The following LY75 variants were observed in gnomAD, a reference collection of about 807,000 sequenced individuals.
LY75 encodes lymphocyte antigen 75.
In LY75, 185 loss-of-function variants were observed where a neutral mutation model predicts 231.7. That is an observed-to-expected ratio of 0.80 (90% CI 0.71 to 0.90). LY75 has a LOEUF of 0.90. Among genes scored for constraint, LY75 ranks in the 40% least tolerant of loss-of-function variants. The pLI is 0.00. For synonymous variants in LY75, 668 were observed against 689.0 expected (o/e 0.97, Z 0.48); for missense variants, 1,947 against 2,050.2 (o/e 0.95, Z 0.97).
chr2:159,847,237 C>G (rs1262940728), intron 23 of LY75, among the ~76,000 whole-genome samples: 1 of 152,180 alleles, frequency 6.6e-6, no homozygotes, highest in African/African-American at 2.4e-5. Flanking sequence ...TGGTCTCGAA[C>G]TCCTGAGCTC....
rs147499095 is a variant in LY75 at position 159,861,627 on chromosome 2, A to G, written c.2200-738T>C. Among the ~76,000 whole-genome samples the G allele has an allele frequency of 1.2e-3, 178 of 151,706 alleles. No homozygotes were observed. In the Middle Eastern group the frequency reaches 0.051, roughly 44 times the overall value. ...GCTGGATGTGGTGGCATGTGCCTGT[A>G]CTTGAGAGGCTGAGACATGAGGATC... On this transcript the variant is annotated intron_variant, in intron 14 of 34. Transcript: ENST00000263636.
Position 159,804,491 on chromosome 2 carries a change from G to C in LY75, c.*553C>G, listed in dbSNP as rs1310116319. Reference sequence around the variant, plus strand: ...AGATCACGCCATTGTACTCCAGCCTGGGCAACAGAGAGAGACTCAGTCTCA... The same window carrying C: ...AGATCACGCCATTGTACTCCAGCCTCGGCAACAGAGAGAGACTCAGTCTCA... On this transcript the variant is annotated 3_prime_UTR_variant, in exon 35 of 35. Transcript: ENST00000263636. The C allele has an allele frequency of 6.5e-6, 1 of 152,686 alleles. No homozygotes were observed. The highest frequency in any genetic ancestry group is 1.5e-5 in the Non-Finnish European group (1 of 68,156). 9.5% of individuals were successfully genotyped at this position (152,686 alleles called of 1,614,324 possible).
chr2:159,815,525 T>C lies in LY75; in HGVS notation c.4429A>G (p.Ile1477Val), dbSNP rs763029734. ...GGAGATGTTTGGCCTTTCCATGGGA[T>C]ATAGTCAAATGTACTACCATCAGAC... is the stretch of plus-strand genomic sequence containing the variant. The part of the protein sequence containing the change: ...EWSDGSTFDY[I>V]PWKGQTSPGN... The change falls in exon 31 of 35, where the codon ATC becomes GTC. Residue 1477 changes from isoleucine (I) to valine (V), a missense_variant. By Grantham distance (29) the Ile-to-Val change is conservative (BLOSUM62 3). Coordinates refer to ENST00000263636, the MANE Select transcript of LY75 (RefSeq NM_002349.4). 6.2e-7 allele frequency: 1 copy of C among 1,613,932 alleles called. No individual in the cohort carries two copies. Among genetic ancestry groups the C allele is most frequent in the Non-Finnish European group, 8.5e-7 (1 of 1,179,968 alleles).
At chr2:159,868,721 C>T (rs1316975919) in intron 13 of LY75, among the ~76,000 whole-genome samples, 1 of 152,172 alleles carries the variant, frequency 6.6e-6, no homozygotes, top group Non-Finnish European at 1.5e-5. Flanking sequence ...TCTACAACCT[C>T]ATTCATTAGT....
At chr2:159,824,333 A>G (rs13012206) in intron 28 of LY75, among the ~76,000 whole-genome samples, 16,431 of 152,294 alleles carry the variant, frequency 0.11, 1,145 homozygotes, top group South Asian at 0.2. Context: ...CTCTGATAAA[A>G]CAGACTTTAA....
chr2:159,811,176 C>A (rs906503883), intron 31 of LY75, among the ~76,000 whole-genome samples: 1 of 151,614 alleles, frequency 6.6e-6, no homozygotes, highest in Non-Finnish European at 1.5e-5. Context: ...GCGCCTAGCC[C>A]GTTGGATTCC....
At chr2:159,870,690 T>A (rs6728553) in intron 13 of LY75, among the ~76,000 whole-genome samples, 4,367 of 136,976 alleles carry the variant, frequency 0.032, 197 homozygotes, top group African/African-American at 0.11. Context: ...TTTTTTTTTT[T>A]AAATAGAGAT....
chr2:159,870,674 C>CT (rs34789684), intron 13 of LY75, among the ~76,000 whole-genome samples: 51,122 of 141,410 alleles, frequency 0.36, 11,475 homozygotes, highest in Non-Finnish European at 0.53. Flanking sequence ...CCAGCTAATT[C>CT]TTTTTTTTTT....
At chr2:159,827,755 T>C (rs902029084) in intron 28 of LY75, among the ~76,000 whole-genome samples, 26 of 152,126 alleles carry the variant, frequency 1.7e-4, no homozygotes, top group African/African-American at 6.3e-4. Flanking sequence ...GGCACATAGA[T>C]ACCATAGAAT....
Position 159,834,110 on chromosome 2 carries a change from T to G in LY75, c.3775A>C (p.Ile1259Leu). 6.2e-7 allele frequency: 1 copy of G among 1,614,076 alleles called. No homozygotes were observed. ...IPFQNCCYNFIITKNRHMATT... is the reference protein window; with the variant it reads ...IPFQNCCYNFLITKNRHMATT... ...GCCATATGCCTATTCTTTGTTATTA[T>G]GAAATTGTAGCAACAGTTCTGAAAT... is the stretch of plus-strand genomic sequence containing the variant. The change falls in exon 27 of 35, where the codon ATA (isoleucine) becomes CTA (leucine). Residue 1259 changes from isoleucine to leucine, a missense_variant. Physicochemically the swap from Ile to Leu is conservative, Grantham distance 5. Transcript: ENST00000263636.
At chr2:159,901,855 A>G (rs1319374864) in intron 1 of LY75, among the ~76,000 whole-genome samples, 1 of 152,232 alleles carries the variant, frequency 6.6e-6, no homozygotes, top group Admixed American at 6.5e-5. Context: ...ATTAGCCTCC[A>G]TATATAAGGT....
intron 14 of LY75, 125 bp from the exon 15 acceptor site, chr2:159,861,014 C>A (rs1423139096): frequency 5.5e-6 from 5 of 914,092 alleles, no homozygotes; most frequent in South Asian, 1.5e-5. Context: ...ACTTTTCCAT[C>A]TCTTTTTTAT....
intron 4 of LY75, 92 bp from the exon 5 acceptor site, chr2:159,886,622 A>G (rs1685595070): frequency 7.8e-7 from 1 of 1,283,314 alleles, no homozygotes; most frequent in African/African-American, 1.5e-5. Context: ...ACAAATCTGC[A>G]GACCTTGATT....
intron 23 of LY75, among the ~76,000 whole-genome samples, chr2:159,847,514 C>T (rs1487656392): frequency 1.3e-5 from 2 of 152,024 alleles, no homozygotes; most frequent in Admixed American, 6.6e-5. Context: ...AGATGTCAAC[C>T]GTGACTCTGC....
In LY75 at chr2:159,898,789, C is replaced by A. The variant is rs762158522; in HGVS notation, c.365G>T (p.Arg122Leu). Residue 122 changes from arginine (R) to leucine (L), a missense_variant, in exon 2 of 35, where the codon CGG becomes CTG. By Grantham distance (102) the Arg-to-Leu change is moderately radical. Transcript: ENST00000263636. ...HHSLYGAARY[R>L]LALKDGHGTA... ...GCCATGTCCATCCTTCAGAGCCAGC[C>A]GGTACCGGGCAGCTCCGTACAGAGA... is the stretch of plus-strand genomic sequence containing the variant. 3 of 1,614,204 alleles carry A rather than the reference C, an allele frequency of 1.9e-6. No individual in the cohort carries two copies. Among genetic ancestry groups the A allele is most frequent in the Non-Finnish European group, 1.7e-6 (2 of 1,180,030 alleles).
intron 23 of LY75, among the ~76,000 whole-genome samples, chr2:159,847,194 A>G (rs1435404950): frequency 6.6e-6 from 1 of 152,052 alleles, no homozygotes; most frequent in African/African-American, 2.4e-5. Flanking sequence ...TGTACTTCTT[A>G]GTAGAGACGG....
chr2:159,893,838 T>TTGAACTC, intron 3 of LY75, 76 bp downstream of exon 3: 1 of 1,496,912 alleles, frequency 6.7e-7, no homozygotes, highest in Non-Finnish European at 8.9e-7. Flanking sequence ...TTGAGTCACT[T>TTGAACTC]TGAACTCTTC....
intron 2 of LY75, among the ~76,000 whole-genome samples, chr2:159,897,383 C>G (rs1463003384): frequency 6.6e-6 from 1 of 152,138 alleles, no homozygotes; most frequent in Non-Finnish European, 1.5e-5. Flanking sequence ...GCCATTAAGT[C>G]ATATCCAAAA....
At chr2:159,870,232 G>T (rs1007080623) in intron 13 of LY75, among the ~76,000 whole-genome samples, 3 of 152,058 alleles carry the variant, frequency 2.0e-5, no homozygotes, top group African/African-American at 4.8e-5. Context: ...AAGGTGAATC[G>T]CTTGAGCCAG....
Sources: gnomAD v4.1 joint callset for allele counts (sites outside exome capture counted in the v4.1 genomes callset) on GRCh38, gnomAD v4.1.1 for gene constraint, MANE v1.5 for transcripts, NCBI Gene and HGNC (gene_info 2026-07-23, HGNC 2026-07-21) for gene names.